Variants in ALDH3A2 observed in about 807,000 individuals in gnomAD.
ALDH3A2 encodes aldehyde dehydrogenase 3 family member A2, also known as aldehyde dehydrogenase family 3 member A2.
In ALDH3A2, 36 loss-of-function variants were observed where a neutral mutation model predicts 51.3. The observed-to-expected ratio is 0.70, with a 90% CI of 0.54 to 0.93. The LOEUF (loss-of-function observed/expected upper bound fraction) is 0.93, where lower values mean the gene tolerates loss of function less well. ALDH3A2 is among the 40% of genes least tolerant of loss of function. The pLI, the probability that ALDH3A2 is intolerant of heterozygous loss-of-function variation, is 0.00. For missense variants in ALDH3A2, 552 were observed against 603.1 expected (o/e 0.92, Z 0.89); for synonymous variants, 199 against 219.8 (o/e 0.91, Z 0.84).
chr17:19,666,290 A>C (rs114154013), intron 8 of ALDH3A2, among the ~76,000 whole-genome samples: 1 of 151,626 alleles, frequency 6.6e-6, no homozygotes, highest in Non-Finnish European at 1.5e-5. Flanking sequence ...AAAAGATTGG[A>C]CTCTGTTGTC....
intron 4 of ALDH3A2, among the ~76,000 whole-genome samples, chr17:19,656,829 A>G (rs926322813): frequency 2.6e-5 from 4 of 152,210 alleles, no homozygotes; most frequent in African/African-American, 9.6e-5. Context: ...TGTTCTCAAG[A>G]TTACAGCTAG....
At position 19,665,052 on chromosome 17, in the gene ALDH3A2, G is replaced by A. The variant is rs2085017110; in HGVS notation, c.1207+5G>A. On this transcript the variant is annotated splice_donor_5th_base_variant and intron_variant, in intron 8 of 9. Coordinates refer to ENST00000176643, the MANE Select transcript of ALDH3A2 (RefSeq NM_000382.3). The stretch of plus-strand genomic sequence containing the variant: ...CTTTCCCATTTGGAGGAGTGGGTGA[G>A]TCTTATTTTCTCCTGCTTGTAGTAG... 1 of 1,610,864 alleles carries A rather than the reference G, an allele frequency of 6.2e-7. No homozygotes were observed. Among genetic ancestry groups the A allele is most frequent in the African/African-American group, 1.3e-5 (1 of 74,808 alleles).
Position 19,656,508 on chromosome 17 carries a change from C to T in ALDH3A2, c.614C>T (p.Thr205Ile). The T allele has an allele frequency of 6.2e-7, 1 of 1,614,162 alleles. No individual in the cohort carries two copies. Among genetic ancestry groups the T allele is most frequent in the Non-Finnish European group, 8.5e-7 (1 of 1,180,036 alleles). ...GCTGCCAAGCATCTGACCCCTGTGACTCTTGAACTGGGAGGGAAAAGTCCA... is the reference window on the plus strand; with the variant it reads ...GCTGCCAAGCATCTGACCCCTGTGATTCTTGAACTGGGAGGGAAAAGTCCA... ...EAAAKHLTPV[T>I]LELGGKSPCY... The change falls in exon 4 of 10, where the codon ACT becomes ATT. Residue 205 changes from threonine (T) to isoleucine (I), a missense_variant. By Grantham distance (89) the Thr-to-Ile change is moderately conservative. Transcript: ENST00000176643.
At chr17:19,660,240 T>C (rs1277781178) in intron 5 of ALDH3A2, among the ~76,000 whole-genome samples, 4 of 152,230 alleles carry the variant, frequency 2.6e-5, no homozygotes, top group African/African-American at 9.6e-5. Context: ...TTGCAAGCCT[T>C]ACCCTCCAAA....
intron 6 of ALDH3A2, 89 bp from the exon 7 acceptor site, chr17:19,663,244 T>C (rs1000307602): frequency 1.4e-6 from 2 of 1,475,732 alleles, no homozygotes; most frequent in African/African-American, 2.8e-5. Context: ...GGGAAAGGCA[T>C]GGATAAGTGA....
rs1447929984 is a variant in ALDH3A2, at chr17:19,660,983, C to T, written c.799-144C>T. On this transcript the variant is annotated intron_variant, in intron 5 of 9. Transcript: ENST00000176643. Reference sequence around the variant, plus strand: ...GCTGAAACTTGCTACTATCATACTACTGTTAAATTACTTGAGGGGTGGGGT... The same window carrying T: ...GCTGAAACTTGCTACTATCATACTATTGTTAAATTACTTGAGGGGTGGGGT... 3.0e-5 allele frequency: 24 copies of T among 805,422 alleles called. No homozygotes were observed. In the South Asian group the frequency reaches 3.2e-4, roughly 11 times the overall value. The allele number at this position is 805,422 out of a possible 1,614,324, so 49.9% of individuals were successfully genotyped here. A position where few individuals can be genotyped will look rare whatever the true frequency, so the allele number is the denominator to read the frequency against.
At chr17:19,652,731 A>G (rs1221514161) in intron 3 of ALDH3A2, 99 bp downstream of exon 3, 6 of 1,015,274 alleles carry the variant, frequency 5.9e-6, no homozygotes, top group South Asian at 3.8e-5. Context: ...CGGGGACCCA[A>G]TTGCAGTCTC....
Position 19,671,862 on chromosome 17 carries a change from G to C in ALDH3A2, c.1349G>C (p.Trp450Ser). 1.2e-6 allele frequency: 2 copies of C among 1,614,176 alleles called. No homozygotes were observed. The highest frequency in any genetic ancestry group is 1.7e-6 in the Non-Finnish European group (2 of 1,180,026). Reference sequence around the variant, plus strand: ...CCCAACAGCCAGTCAAAGGTGGATTGGGGAAAATTTTTTCTCTTGAAACGG... The same window carrying C: ...CCCAACAGCCAGTCAAAGGTGGATTCGGGAAAATTTTTTCTCTTGAAACGG... ...YPPNSQSKVD[W>S]GKFFLLKRFN... Residue 450 changes from tryptophan (W) to serine (S), a missense_variant, in exon 9 of 10, where the codon TGG becomes TCG. Transcript: ENST00000176643.
intron 9 of ALDH3A2, among the ~76,000 whole-genome samples, chr17:19,673,728 G>T (rs1479009750): frequency 6.6e-6 from 1 of 151,410 alleles, no homozygotes; most frequent in East Asian, 1.9e-4. Context: ...CAAAAAAAAA[G>T]AAAGAAAAAA....
chr17:19,658,913 A>G (rs1397178080), intron 5 of ALDH3A2, among the ~76,000 whole-genome samples: 2 of 152,098 alleles, frequency 1.3e-5, no homozygotes, highest in Non-Finnish European at 2.9e-5. Context: ...CAAAAACACC[A>G]AAGAGTAATG....
In ALDH3A2 at chr17:19,671,825, C is replaced by CT; in HGVS notation, c.1313dup (p.Arg439GlnfsTer66). 3.1e-6 allele frequency: 5 copies of CT among 1,614,172 alleles called. No homozygotes were observed. Among genetic ancestry groups the CT allele is most frequent in the Non-Finnish European group, 4.2e-6 (5 of 1,180,010 alleles). On this transcript the variant is annotated frameshift_variant, in exon 9 of 10. Coordinates refer to ENST00000176643, the MANE Select transcript of ALDH3A2 (RefSeq NM_000382.3). LOFTEE classifies it high-confidence loss of function. Reference sequence around the variant, plus strand: ...TTTAAAGAGAGAAGGTGCTAACAAACTCAGATATCCTCCCAACAGCCAGTC... The same window carrying CT: ...TTTAAAGAGAGAAGGTGCTAACAAACTTCAGATATCCTCCCAACAGCCAGTC...
At position 19,657,800 on chromosome 17, in the gene ALDH3A2, T is replaced by C; in HGVS notation, c.736T>C (p.Tyr246His). 6.2e-7 allele frequency: 1 copy of C among 1,614,140 alleles called. No homozygotes were observed. Among genetic ancestry groups the C allele is most frequent in the Non-Finnish European group, 8.5e-7 (1 of 1,179,980 alleles). ...NCGQTCIAPD[Y>H]ILCEASLQNQ... ...TGGCCAAACCTGCATTGCACCCGACTATATTCTCTGTGAAGCATCCCTCCA... is the reference window on the plus strand; with the variant it reads ...TGGCCAAACCTGCATTGCACCCGACCATATTCTCTGTGAAGCATCCCTCCA... Residue 246 changes from tyrosine to histidine, a missense_variant, in exon 5 of 10, where the codon TAT becomes CAT. Transcript: ENST00000176643.
chr17:19,663,520 C>G, intron 7 of ALDH3A2, 21 bp downstream of exon 7: 1 of 1,612,504 alleles, frequency 6.2e-7, no homozygotes, highest in Non-Finnish European at 8.5e-7. Context: ...GAGAGAACAG[C>G]TAGTTAGCAT....
intron 6 of ALDH3A2, among the ~76,000 whole-genome samples, chr17:19,661,638 C>T (rs1214923902): frequency 6.6e-6 from 1 of 152,098 alleles, no homozygotes. Flanking sequence ...GTGACGGTAC[C>T]ATTCCAGAAA....
chr17:19,656,677 GA>G (rs1304032520), intron 4 of ALDH3A2, 103 bp downstream of exon 4: 2 of 1,151,314 alleles, frequency 1.7e-6, no homozygotes, highest in African/African-American at 3.1e-5. Flanking sequence ...ATGGCTCCAA[GA>G]TACATTATTA....
chr17:19,653,843 A>G lies in ALDH3A2; in HGVS notation c.471+1211A>G, dbSNP rs376695951. ...ATCTGGCCCCACCCGCATCCTGCTG[A>G]TTGGTCCATTTTACAGAGAGCTGAT... On this transcript the variant is annotated intron_variant, in intron 3 of 9. Coordinates refer to ENST00000176643, the MANE Select transcript of ALDH3A2 (RefSeq NM_000382.3). Among the ~76,000 whole-genome samples the G allele has an allele frequency of 2.3e-4, 35 of 152,242 alleles. No homozygotes were observed. In the South Asian group the frequency reaches 7.3e-3, roughly 32 times the overall value.
intron 8 of ALDH3A2, among the ~76,000 whole-genome samples, chr17:19,669,364 G>C (rs1490780131): frequency 6.6e-6 from 1 of 152,128 alleles, no homozygotes; most frequent in African/African-American, 2.4e-5. Context: ...TACGCTGCAT[G>C]ATGTAATAAT....
chr17:19,650,392 C>T (rs1292032892), intron 1 of ALDH3A2, among the ~76,000 whole-genome samples: 2 of 152,048 alleles, frequency 1.3e-5, no homozygotes, highest in Non-Finnish European at 2.9e-5. Flanking sequence ...AGCAGTCCTC[C>T]TGCCCCAACC....
At chr17:19,673,212 G>A (rs764367055) in intron 9 of ALDH3A2, 11 of 1,614,040 alleles carry the variant, frequency 6.8e-6, no homozygotes, top group East Asian at 4.5e-5. Context: ...CACAGACTGC[G>A]TTGGTCCAGT....
Sources: allele counts gnomAD v4.1 joint callset (sites outside exome capture counted in the v4.1 genomes callset), GRCh38; gene constraint gnomAD v4.1.1; transcripts MANE v1.5; gene names NCBI Gene and HGNC (gene_info 2026-07-23, HGNC 2026-07-21).